PRC1: variants seen among roughly 807,000 people sequenced by gnomAD.
The protein encoded by PRC1 is anaphase spindle elongation 1 homolog.
A neutral mutation model predicts 91.2 loss-of-function variants in PRC1; 54 were observed. The ratio of observed to expected loss-of-function variants is 0.59; its 90% confidence interval spans 0.48 to 0.74. The LOEUF is 0.74. Ranked by LOEUF, PRC1 falls within the 30% of genes least tolerant of loss-of-function variation. The pLI is 0.00. For synonymous variants in PRC1, 275 were observed against 263.6 expected (o/e 1.04, Z -0.42); for missense variants, 727 against 746.2 (o/e 0.97, Z 0.30).
At chr15:90,994,359 C>A (rs755479813) in intron 1 of PRC1, 48 bp downstream of exon 1, 1 of 1,611,848 alleles carries the variant, frequency 6.2e-7, no homozygotes, top group Non-Finnish European at 8.5e-7. Context: ...GCAGCCGAAA[C>A]GAGCGTCGCT....
At position 90,984,548 on chromosome 15, in the gene PRC1, G is replaced by T; in HGVS notation, c.144+145C>A. ...CCAGCCTCCTCAAATTTCAAGAAGG[G>T]ACTTCAAAACCAAACCAAACCAAAC... is the stretch of plus-strand genomic sequence containing the variant. On this transcript the variant is annotated intron_variant, in intron 2 of 14. Transcript: ENST00000394249. The surrounding 1 kb of genome is among the most constrained non-coding windows in gnomAD (Gnocchi z 5.1). The T allele has an allele frequency of 7.9e-7, 1 of 1,271,276 alleles. No individual in the cohort carries two copies. The highest frequency in any genetic ancestry group is 1.5e-5 in the South Asian group (1 of 65,556). 78.7% of individuals were successfully genotyped at this position (1,271,276 alleles called of 1,614,324 possible). A position where few individuals can be genotyped will look rare whatever the true frequency, so the allele number is the denominator to read the frequency against.
intron 14 of PRC1, chr15:90,967,415 A>G: frequency 1.8e-6 from 1 of 558,004 alleles, no homozygotes; most frequent in Non-Finnish European, 3.2e-6. Context: ...CATGCCCGTG[A>G]CCCCTTTTTC....
rs1434015231 is a variant in PRC1 at position 90,974,347 on chromosome 15, GCCAGAGCTAAAGAGCTGCCGCGGGCT to G, written c.1351-127_1351-102del. On this transcript the variant is annotated intron_variant, in intron 10 of 14. Coordinates refer to ENST00000394249, the MANE Select transcript of PRC1 (RefSeq NM_003981.4). This position sits in a 1 kb window ranked among gnomAD's most constrained non-coding sequence, Gnocchi z 4.6. ...GGGAATCTAGGCCCGTGTCTCTACA[GCCAGAGCTAAAGAGCTGCCGCGGGCT>G]CCCCGTTCCACAAGCCCCGGTCCCC... 11 of 1,177,836 alleles carry G rather than the reference GCCAGAGCTAAAGAGCTGCCGCGGGCT, an allele frequency of 9.3e-6. No homozygotes were observed. In the African/African-American group the frequency reaches 1.7e-4, roughly 18 times the overall value. The allele number at this position is 1,177,836 out of a possible 1,614,324, so 73.0% of individuals were successfully genotyped here. A position where few individuals can be genotyped will look rare whatever the true frequency, so the allele number is the denominator to read the frequency against.
At chr15:90,987,686 C>T (rs966908099) in intron 1 of PRC1, 2 of 152,176 alleles carry the variant, frequency 1.3e-5, no homozygotes, top group Non-Finnish European at 2.9e-5. Flanking sequence ...TCTAGATGTG[C>T]TCTGCTTCCA....
chr15:90,966,760 C>T lies in PRC1; in HGVS notation c.*371G>A, dbSNP rs531610305. ...ATGTTAATTACTAGTTACAGGTATA[C>T]ATGCCAAAATTACCCCCAGGGATGG... On this transcript the variant is annotated 3_prime_UTR_variant, in exon 15 of 15. Coordinates refer to ENST00000394249, the MANE Select transcript of PRC1 (RefSeq NM_003981.4). 2.1e-5 allele frequency: 9 copies of T among 433,792 alleles called. No homozygotes were observed. The highest frequency in any genetic ancestry group is 3.3e-4 in the Middle Eastern group (1 of 3,000). 26.9% of individuals were successfully genotyped at this position (433,792 alleles called of 1,614,324 possible).
rs956661658 is a variant in PRC1, at chr15:90,984,624, T to C, written c.144+69A>G. The C allele has an allele frequency of 4.4e-6, 7 of 1,583,494 alleles. No homozygotes were observed. The Admixed American group carries it at 6.9e-5, about 16-fold the overall frequency. On this transcript the variant is annotated intron_variant, in intron 2 of 14. Coordinates refer to ENST00000394249, the MANE Select transcript of PRC1 (RefSeq NM_003981.4). The surrounding 1 kb of genome is among the most constrained non-coding windows in gnomAD (Gnocchi z 5.1). The stretch of plus-strand genomic sequence containing the variant: ...CCGATGATCACATGTCCCTTCTGTA[T>C]GCTATCTCGGGTGAGACACCAACAT...
rs2037719563 is a variant in PRC1 at position 90,968,326 on chromosome 15, A to T, written c.1791+753T>A. On this transcript the variant is annotated intron_variant, in intron 14 of 14. Coordinates refer to ENST00000394249, the MANE Select transcript of PRC1 (RefSeq NM_003981.4). ...AGTAGGAAGCCAGTTTCAGTGATCA[A>T]AACTAGCTGCAGCCTTGGCCAACTG... 3.0e-6 allele frequency: 3 copies of T among 985,366 alleles called. No individual in the cohort carries two copies. The South Asian group carries it at 1.4e-4, about 46-fold the overall frequency. The allele number at this position is 985,366 out of a possible 1,614,324, so 61.0% of individuals were successfully genotyped here.
intron 1 of PRC1, among the ~76,000 whole-genome samples, chr15:90,993,966 A>C (rs1282844531): frequency 6.6e-6 from 1 of 152,076 alleles, no homozygotes; most frequent in Admixed American, 6.5e-5. Flanking sequence ...AAATAAACTT[A>C]ACAGCTTTAA....
rs868616287 is a variant in PRC1, at chr15:90,990,391, A to C, written c.11+4016T>G. ...AAATAAATAAATAAATAAATAAATA[A>C]TTTTTTTTTTTTTTTTAAGAGGTAG... On this transcript the variant is annotated intron_variant, in intron 1 of 14. Transcript: ENST00000394249. 4.9e-5 allele frequency among the ~76,000 whole-genome samples: 7 copies of C among 141,854 alleles called. No individual in the cohort carries two copies. The South Asian group carries it at 1.5e-3, about 31-fold the overall frequency. 93.1% of individuals were successfully genotyped at this position (141,854 alleles called of 152,430 possible). A position where few individuals can be genotyped will look rare whatever the true frequency, so the allele number is the denominator to read the frequency against.
rs996166327 is a variant in PRC1, at chr15:90,970,422, A to C, written c.1554T>G (p.Leu518=). Residue 518 remains leucine, a synonymous_variant, in exon 12 of 15, where the codon CTT becomes CTG. Coordinates refer to ENST00000394249, the MANE Select transcript of PRC1 (RefSeq NM_003981.4). ...TACTAACCTTGCTGCCAGAAGGAGG[A>C]AGTCGAGACACGGGGGAGTGGTAGA... ...GTVYHSPVSR[L]PPSGSKPVAA... is the part of the protein sequence containing the mutation. The C allele has an allele frequency of 1.2e-6, 2 of 1,609,410 alleles. No individual in the cohort carries two copies. The highest frequency in any genetic ancestry group is 1.7e-6 in the Non-Finnish European group (2 of 1,175,752).
At position 90,969,263 on chromosome 15, in the gene PRC1, A is replaced by G. The variant is rs538276471; in HGVS notation, c.1750-143T>C. 454 of 1,204,304 alleles carry G rather than the reference A, an allele frequency of 3.8e-4. 6 individuals carry two copies. The South Asian group carries it at 5.9e-3, about 16-fold the overall frequency. 74.6% of individuals were successfully genotyped at this position (1,204,304 alleles called of 1,614,324 possible). On this transcript the variant is annotated intron_variant, in intron 13 of 14. Coordinates refer to ENST00000394249, the MANE Select transcript of PRC1 (RefSeq NM_003981.4). ...GTTAAATGTCTAGTTGCTGCTGCCA[A>G]CTTCCTTCCTACACAACCCCCCCTT...
rs200964554 is a variant in PRC1, at chr15:90,970,469, G to A, written c.1507C>T (p.Arg503Trp). ...MSNATANSSI[R>W]PIFGGTVYHS... ...TAGACTGTCCCTCCAAAGATAGGCC[G>A]AATGCTACTATTGGCCGTAGCATTG... is the stretch of plus-strand genomic sequence containing the variant. Residue 503 changes from arginine (R) to tryptophan (W), a missense_variant, in exon 12 of 15, where the codon CGG becomes TGG. By Grantham distance (101) the Arg-to-Trp change is moderately radical. Transcript: ENST00000394249. 35 of 1,613,888 alleles carry A rather than the reference G, an allele frequency of 2.2e-5. No homozygotes were observed. The highest frequency in any genetic ancestry group is 5.0e-5 in the Admixed American group (3 of 60,016).
chr15:90,979,018 G>A (rs2151515510), intron 8 of PRC1, 140 bp downstream of exon 8: 1 of 1,083,836 alleles, frequency 9.2e-7, no homozygotes, highest in Non-Finnish European at 1.3e-6. Context: ...TTATCAAACA[G>A]AGGCGGTCAG....
chr15:90,992,903 T>C (rs2040059961), intron 1 of PRC1, among the ~76,000 whole-genome samples: 1 of 151,754 alleles, frequency 6.6e-6, no homozygotes, highest in African/African-American at 2.4e-5. Context: ...TATTTTTTCT[T>C]AGCATTCCAG....
chr15:90,973,383 G>A lies in PRC1; in HGVS notation c.1461+753C>T, dbSNP rs148423333. 3.9e-3 allele frequency among the ~76,000 whole-genome samples: 588 copies of A among 152,334 alleles called. 5 individuals carry two copies. The highest frequency in any genetic ancestry group is 6.7e-3 in the Admixed American group (103 of 15,304). ...TCCATTCTCGATTAACCAGGGGCAC[G>A]ATGCACTGCGGAAAGCCGCAGGGAC... On this transcript the variant is annotated intron_variant, in intron 11 of 14. Transcript: ENST00000394249.
chr15:90,974,456 C>CGGCTCCCCATTCCACAAGCCCCGGTCCCT lies in PRC1; in HGVS notation c.1350+128_1350+129insAGGGACCGGGGCTTGTGGAATGGGGAGCC, dbSNP rs1567186201. The CGGCTCCCCATTCCACAAGCCCCGGTCCCT allele has an allele frequency of 2.4e-3, 3,276 of 1,376,016 alleles. 126 individuals are homozygous for CGGCTCCCCATTCCACAAGCCCCGGTCCCT. In the African/African-American group the frequency reaches 0.046, roughly 19 times the overall value. 85.2% of individuals were successfully genotyped at this position (1,376,016 alleles called of 1,614,324 possible). A position where few individuals can be genotyped will look rare whatever the true frequency, so the allele number is the denominator to read the frequency against. On this transcript the variant is annotated intron_variant, in intron 10 of 14. Coordinates refer to ENST00000394249, the MANE Select transcript of PRC1 (RefSeq NM_003981.4). The surrounding 1 kb of genome is among the most constrained non-coding windows in gnomAD (Gnocchi z 4.6). Reference sequence around the variant, plus strand: ...TCCCCGTTCCACAAGCCCCGGTCCCCGGCTTCCCGTTCCACAAGCCCCGGT... The same window carrying CGGCTCCCCATTCCACAAGCCCCGGTCCCT: ...TCCCCGTTCCACAAGCCCCGGTCCCCGGCTCCCCATTCCACAAGCCCCGGTCCCTGGCTTCCCGTTCCACAAGCCCCGGT...
In PRC1 at chr15:90,980,293, G is replaced by C. The variant is rs1217198474; in HGVS notation, c.919C>G (p.Gln307Glu). Reference protein sequence around the residue: ...IRVELVQYWDQCFYSQEQRQA... With the variant: ...IRVELVQYWDECFYSQEQRQA... ...CTCTGCTCCTGGCTATAAAAGCACT[G>C]GTCCCAGTACTGAACCAGCTCCACT... Residue 307 changes from glutamine to glutamate, a missense_variant, in exon 7 of 15, where the codon CAG becomes GAG. Coordinates refer to ENST00000394249, the MANE Select transcript of PRC1 (RefSeq NM_003981.4). The C allele has an allele frequency of 1.2e-6, 2 of 1,613,756 alleles. No homozygotes were observed. Among genetic ancestry groups the C allele is most frequent in the Non-Finnish European group, 1.7e-6 (2 of 1,179,970 alleles).
At chr15:90,970,366 C>T (rs764163163) in intron 12 of PRC1, 38 bp downstream of exon 12, 18 of 1,444,996 alleles carry the variant, frequency 1.2e-5, no homozygotes, top group East Asian at 1.1e-4. Flanking sequence ...AGGCTAGGGA[C>T]GCATGTGAGG....
rs2039204218 is a variant in PRC1, at chr15:90,981,635, CTCTT to C, written c.532_535del (p.Lys178AspfsTer10). The C allele has an allele frequency of 6.2e-7, 1 of 1,614,116 alleles. No individual in the cohort carries two copies. The highest frequency in any genetic ancestry group is 1.3e-5 in the African/African-American group (1 of 75,036). On this transcript the variant is annotated frameshift_variant, in exon 5 of 15. Coordinates refer to ENST00000394249, the MANE Select transcript of PRC1 (RefSeq NM_003981.4). LOFTEE classifies it high-confidence loss of function. Reference sequence around the variant, plus strand: ...TGCTTCCATACACAGTATGATCTGTCTCTTTATACTGACAAACTCCTCACGCCTA... The same window carrying C: ...TGCTTCCATACACAGTATGATCTGTCTATACTGACAAACTCCTCACGCCTA...
Sources: allele counts gnomAD v4.1 joint callset (sites outside exome capture counted in the v4.1 genomes callset), GRCh38; gene constraint gnomAD v4.1.1; non-coding constraint Gnocchi (gnomAD v3.1); transcripts MANE v1.5; gene names NCBI Gene and HGNC (gene_info 2026-07-23, HGNC 2026-07-21).